The following TMEM120B variants were observed in gnomAD, a reference collection of about 807,000 sequenced individuals.
TMEM120B encodes the protein transmembrane protein 120B.
TMEM120B carries 31 observed loss-of-function variants against 55.5 expected under a neutral mutation model. The ratio of observed to expected loss-of-function variants is 0.56; its 90% CI spans 0.42 to 0.75. TMEM120B has a LOEUF of 0.75. Among genes scored for constraint, TMEM120B ranks in the 30% least tolerant of loss-of-function variants. The probability of loss-of-function intolerance (pLI) is 0.00; values close to 1 mark genes in which losing one functional copy is unlikely to be tolerated. For synonymous variants in TMEM120B, 203 were observed against 176.3 expected (o/e 1.15, Z -1.20); for missense variants, 399 against 425.5 (o/e 0.94, Z 0.55).
intron 1 of TMEM120B, among the ~76,000 whole-genome samples, chr12:121,725,964 G>T (rs1894880721): frequency 6.6e-6 from 1 of 151,176 alleles, no homozygotes; most frequent in African/African-American, 2.4e-5. Context: ...TTGAACCTGA[G>T]AGGCGGAGGT....
At chr12:121,770,088 G>A (rs1408363573) in intron 6 of TMEM120B, among the ~76,000 whole-genome samples, 1 of 152,154 alleles carries the variant, frequency 6.6e-6, no homozygotes, top group Non-Finnish European at 1.5e-5. Context: ...CCCTGGGTGA[G>A]CCCGCTGGGT....
In TMEM120B at chr12:121,775,578, C is replaced by G; in HGVS notation, c.907-31C>G. The G allele has an allele frequency of 6.3e-7, 1 of 1,597,606 alleles. No individual in the cohort carries two copies. On this transcript the variant is annotated intron_variant, in intron 11 of 11. Transcript: ENST00000449592. This position sits in a 1 kb window ranked among gnomAD's most constrained non-coding sequence, Gnocchi z 4.3. ...CAGGGGTTCAGCAGGGCAGATGCCC[C>G]AGCCTCGCCCTCCTCTCTGGACTCC...
In TMEM120B at chr12:121,774,731, C is replaced by A; in HGVS notation, c.837+9C>A. ...TCCTCTTCTGTGGCCATGTGAGTCCCCCTGGAGTTTGTGGGTATCTCCTGT... is the reference window on the plus strand; with the variant it reads ...TCCTCTTCTGTGGCCATGTGAGTCCACCTGGAGTTTGTGGGTATCTCCTGT... On this transcript the variant is annotated intron_variant, in intron 10 of 11. Transcript: ENST00000449592. 1 of 1,613,684 alleles carries A rather than the reference C, an allele frequency of 6.2e-7. No individual in the cohort carries two copies. Among genetic ancestry groups the A allele is most frequent in the Non-Finnish European group, 8.5e-7 (1 of 1,179,776 alleles).
chr12:121,721,911 C>A (rs1345781185), intron 1 of TMEM120B, among the ~76,000 whole-genome samples: 6 of 144,704 alleles, frequency 4.1e-5, no homozygotes, highest in Non-Finnish European at 1.5e-5. Context: ...CGGGTTCAAG[C>A]GATTTTCCTG....
In TMEM120B at chr12:121,736,642, C is replaced by T. The variant is rs574528407; in HGVS notation, c.70-6987C>T. Among the ~76,000 whole-genome samples the T allele has an allele frequency of 4.0e-3, 606 of 152,226 alleles. 2 individuals carry two copies. Among genetic ancestry groups the T allele is most frequent in the South Asian group, 9.1e-3 (44 of 4,818 alleles). On this transcript the variant is annotated intron_variant, in intron 1 of 11. Coordinates refer to ENST00000449592, the MANE Select transcript of TMEM120B (RefSeq NM_001080825.2). ...TCAGCACACTGCAACCTCCGCCTCC[C>T]GGGTTCAAGCAATCCTCCTGCCTCA...
intron 8 of TMEM120B, among the ~76,000 whole-genome samples, chr12:121,772,109 TTCTC>T (rs199806160): frequency 1.4e-5 from 2 of 147,322 alleles, no homozygotes; most frequent in African/African-American, 2.6e-5. Context: ...CTTTCTCTCT[TTCTC>T]TCTCTCTCTC....
chr12:121,751,820 C>G (rs1835970905), intron 4 of TMEM120B, among the ~76,000 whole-genome samples: 1 of 152,202 alleles, frequency 6.6e-6, no homozygotes, highest in Admixed American at 6.5e-5. Context: ...GCCGCAAACC[C>G]TGGCCTTTCA....
chr12:121,761,107 C>G (rs1873663105), intron 5 of TMEM120B, among the ~76,000 whole-genome samples: 1 of 151,970 alleles, frequency 6.6e-6, no homozygotes, highest in African/African-American at 2.4e-5. Flanking sequence ...GCCTCCCAAG[C>G]AGCTGGGACT....
At chr12:121,743,064 CTT>C (rs1186230877) in intron 1 of TMEM120B, among the ~76,000 whole-genome samples, 4 of 152,090 alleles carry the variant, frequency 2.6e-5, no homozygotes, top group Non-Finnish European at 4.4e-5. Context: ...GGCGAAGTCT[CTT>C]ATATTTTTCC....
chr12:121,729,653 A>G (rs1221037343), intron 1 of TMEM120B, among the ~76,000 whole-genome samples: 1 of 150,290 alleles, frequency 6.7e-6, no homozygotes, highest in African/African-American at 2.5e-5. Context: ...AAAAAAAAAA[A>G]GCTGACAGGG....
chr12:121,720,719 GAAAAA>G (rs1212128798), intron 1 of TMEM120B, among the ~76,000 whole-genome samples: 1 of 146,724 alleles, frequency 6.8e-6, no homozygotes, highest in African/African-American at 2.5e-5. Flanking sequence ...TGTCTCAAAA[GAAAAA>G]AAAAAGGAAT....
chr12:121,775,553 C>T lies in TMEM120B; in HGVS notation c.907-56C>T. 1 of 1,567,154 alleles carries T rather than the reference C, an allele frequency of 6.4e-7. No homozygotes were observed. The highest frequency in any genetic ancestry group is 8.7e-7 in the Non-Finnish European group (1 of 1,155,434). ...GCTGGAGATTCTGGGGTGCTGGGGG[C>T]AGGGGTTCAGCAGGGCAGATGCCCC... On this transcript the variant is annotated intron_variant, in intron 11 of 11. Transcript: ENST00000449592. This position sits in a 1 kb window ranked among gnomAD's most constrained non-coding sequence, Gnocchi z 4.3.
chr12:121,726,035 C>CAAAAAAAAAAAAAAAAAAAAAAA (rs35523686), intron 1 of TMEM120B, among the ~76,000 whole-genome samples: 1 of 126,738 alleles, frequency 7.9e-6, no homozygotes, highest in Admixed American at 8.5e-5. Flanking sequence ...GACTCTGTCT[C>CAAAAAAAAAAAAAAAAAAAAAAA]AAAAAAAAAA....
At position 121,750,665 on chromosome 12, in the gene TMEM120B, ACCCACAC is replaced by A. The variant is rs1247869845; in HGVS notation, c.365+235_365+241del. ...ACTGCGAACCCACACCCACACCCACACCCACACCCCACACCACACACTCAAAACCCAC... is the reference window on the plus strand; with the variant it reads ...ACTGCGAACCCACACCCACACCCACACCCACACCACACACTCAAAACCCAC... On this transcript the variant is annotated intron_variant, in intron 4 of 11. Transcript: ENST00000449592. Among the ~76,000 whole-genome samples, 3 of 115,256 alleles carry A rather than the reference ACCCACAC, an allele frequency of 2.6e-5. No individual in the cohort carries two copies. The South Asian group carries it at 9.0e-4, about 34-fold the overall frequency. 75.6% of individuals were successfully genotyped at this position (115,256 alleles called of 152,430 possible).
intron 3 of TMEM120B, among the ~76,000 whole-genome samples, chr12:121,749,936 T>G (rs1873222702): frequency 6.7e-6 from 1 of 148,324 alleles, no homozygotes. Flanking sequence ...AACACTGCAG[T>G]GAGCTATGAT....
chr12:121,722,798 G>C (rs572664991), intron 1 of TMEM120B, among the ~76,000 whole-genome samples: 1 of 151,850 alleles, frequency 6.6e-6, no homozygotes, highest in East Asian at 1.9e-4. Context: ...GGAAGGTCTC[G>C]CTGAAAATAA....
At chr12:121,743,787 G>C (rs770472477) in intron 2 of TMEM120B, 40 bp downstream of exon 2, 1 of 1,451,470 alleles carries the variant, frequency 6.9e-7, no homozygotes, top group African/African-American at 1.4e-5. Flanking sequence ...CTGGTTCTGA[G>C]GGACAGAAGT....
chr12:121,773,607 G>A (rs920478817), intron 9 of TMEM120B, 94 bp downstream of exon 9: 2 of 919,252 alleles, frequency 2.2e-6, no homozygotes, highest in African/African-American at 1.7e-5. Flanking sequence ...CTCCCATACA[G>A]CGGAGCCAGG....
In TMEM120B at chr12:121,776,052, T is replaced by C. The variant is rs1874235662; in HGVS notation, c.*330T>C. 2 of 575,108 alleles carry C rather than the reference T, an allele frequency of 3.5e-6. No homozygotes were observed. Among genetic ancestry groups the C allele is most frequent in the African/African-American group, 3.8e-5 (2 of 53,230 alleles). The allele number at this position is 575,108 out of a possible 1,614,324, so 35.6% of individuals were successfully genotyped here. On this transcript the variant is annotated 3_prime_UTR_variant, in exon 12 of 12. Transcript: ENST00000449592. ...CCCCTCTGTTCCCACTCCTGTCATT[T>C]GAACCCCTCTGGGTGGGGTTTGGAT...
Sources: allele counts gnomAD v4.1 joint callset (sites outside exome capture counted in the v4.1 genomes callset), GRCh38; gene constraint gnomAD v4.1.1; non-coding constraint Gnocchi (gnomAD v3.1); transcripts MANE v1.5; gene names NCBI Gene and HGNC (gene_info 2026-07-23, HGNC 2026-07-21).